UBAP2: variants seen among roughly 807,000 people sequenced by gnomAD.
UBAP2 encodes ubiquitin-associated protein 2.
A neutral mutation model predicts 139.6 loss-of-function variants in UBAP2; 75 were observed. The observed-to-expected ratio is 0.54, with a 90% CI of 0.45 to 0.65. UBAP2 has a LOEUF of 0.65. Ranked by LOEUF, UBAP2 falls within the 30% of genes least tolerant of loss-of-function variation. The pLI is 0.00. For synonymous variants in UBAP2, 526 were observed against 526.2 expected (o/e 1.00, Z 0.01); for missense variants, 1,368 against 1,369.6 (o/e 1.00, Z 0.02).
chr9:34,015,378 G>T (rs1180630325), intron 2 of UBAP2, among the ~76,000 whole-genome samples: 1 of 152,150 alleles, frequency 6.6e-6, no homozygotes, highest in Admixed American at 6.6e-5. Flanking sequence ...GAATGCAGTG[G>T]TGTGATCTTG....
intron 4 of UBAP2, among the ~76,000 whole-genome samples, chr9:33,990,265 A>T (rs1821587147): frequency 2.0e-5 from 3 of 152,212 alleles, no homozygotes; most frequent in Admixed American, 2.0e-4. Context: ...TATGCTTTTT[A>T]AAAATCTTAC....
intron 6 of UBAP2, among the ~76,000 whole-genome samples, chr9:33,984,814 G>C (rs1821067680): frequency 6.6e-6 from 1 of 152,110 alleles, no homozygotes; most frequent in South Asian, 2.1e-4. Context: ...TCTTACCCCA[G>C]TTAGAACGGC....
At chr9:33,943,727 G>A (rs1825427423) in intron 14 of UBAP2, 138 bp from the exon 15 acceptor site, 7 of 754,108 alleles carry the variant, frequency 9.3e-6, no homozygotes, top group Non-Finnish European at 1.0e-5. Context: ...GGAGAAAATA[G>A]GCTAAGACTT....
At chr9:33,927,208 T>C (rs1215287101) in intron 20 of UBAP2, 128 bp from the exon 21 acceptor site, 5 of 664,136 alleles carry the variant, frequency 7.5e-6, no homozygotes, top group Non-Finnish European at 1.3e-5. Context: ...AGTGGCCGAA[T>C]GAGGCAGAGG....
intron 1 of UBAP2, among the ~76,000 whole-genome samples, chr9:34,042,075 A>C (rs1827144395): frequency 6.6e-6 from 1 of 152,208 alleles, no homozygotes; most frequent in South Asian, 2.1e-4. Flanking sequence ...GAGTGAAAGA[A>C]TCAAGCATCA....
chr9:34,041,169 C>T (rs1350791539), intron 1 of UBAP2, among the ~76,000 whole-genome samples: 2 of 152,044 alleles, frequency 1.3e-5, no homozygotes, highest in African/African-American at 2.4e-5. Context: ...AAGAAATCAA[C>T]GGGCCGGGCA....
chr9:33,989,056 C>G lies in UBAP2; in HGVS notation c.359G>C (p.Arg120Thr). 6.2e-7 allele frequency: 1 copy of G among 1,614,028 alleles called. No homozygotes were observed. Residue 120 changes from arginine (R) to threonine (T), a missense_variant, in exon 5 of 29, where the codon AGA becomes ACA. Arg to Thr is a moderately conservative substitution (Grantham distance 71). Coordinates refer to ENST00000379238, the MANE Select transcript of UBAP2 (RefSeq NM_001370062.2). ...AKENSENKENREKKSEKESSR... is the reference protein window; with the variant it reads ...AKENSENKENTEKKSEKESSR... ...CGATTCTTTCTCGCTTTTCTTCTCT[C>G]TATTCTCTTTGTTTTCTGAATTTTC...
intron 10 of UBAP2, among the ~76,000 whole-genome samples, chr9:33,957,097 A>C (rs1826632339): frequency 6.6e-6 from 1 of 152,164 alleles, no homozygotes; most frequent in African/African-American, 2.4e-5. Flanking sequence ...TCAAAAAAAA[A>C]AAAAGAAGAA....
intron 14 of UBAP2, 80 bp from the exon 15 acceptor site, chr9:33,943,669 C>A: frequency 7.3e-7 from 1 of 1,370,866 alleles, no homozygotes; most frequent in Non-Finnish European, 1.0e-6. Flanking sequence ...GCCAAACAAG[C>A]ATTTAGGTTC....
At chr9:34,037,660 TCTTG>T (rs1411133301) in intron 1 of UBAP2, among the ~76,000 whole-genome samples, 1 of 152,172 alleles carries the variant, frequency 6.6e-6, no homozygotes, top group African/African-American at 2.4e-5. Flanking sequence ...AGTAGTTATT[TCTTG>T]CTTATCAGAT....
At chr9:33,989,473 T>A (rs1020338870) in intron 4 of UBAP2, among the ~76,000 whole-genome samples, 3 of 152,196 alleles carry the variant, frequency 2.0e-5, no homozygotes, top group African/African-American at 7.2e-5. Context: ...AGTGCTGGGA[T>A]TACAGGCGTG....
At chr9:34,026,455 T>C (rs920860637) in intron 1 of UBAP2, among the ~76,000 whole-genome samples, 1 of 152,140 alleles carries the variant, frequency 6.6e-6, no homozygotes, top group Non-Finnish European at 1.5e-5. Context: ...GGATACACAA[T>C]TTATGTTAAA....
chr9:33,935,724 G>C, intron 17 of UBAP2, 115 bp downstream of exon 17: 1 of 1,257,970 alleles, frequency 7.9e-7, no homozygotes. Context: ...CAAAAGGGCT[G>C]CTTTTTAACG....
In UBAP2 at chr9:33,941,714, C is replaced by G; in HGVS notation, c.1864G>C (p.Val622Leu). ...AMSSSYDQSSVHNRIPYQSPV... is the reference protein window; with the variant it reads ...AMSSSYDQSSLHNRIPYQSPV... ...CTTTGGTATGGGATCCTGTTATGCA[C>G]AGAACTCTGGTCATAAGAGGAAGAC... Residue 622 changes from valine to leucine, a missense_variant, in exon 16 of 29, where the codon GTG becomes CTG. By Grantham distance (32) the Val-to-Leu change is conservative. Transcript: ENST00000379238. 6.2e-7 allele frequency: 1 copy of G among 1,614,094 alleles called. No homozygotes were observed. Among genetic ancestry groups the G allele is most frequent in the Non-Finnish European group, 8.5e-7 (1 of 1,180,026 alleles).
intron 20 of UBAP2, 108 bp from the exon 21 acceptor site, chr9:33,927,188 A>G: frequency 2.5e-6 from 2 of 792,874 alleles, no homozygotes; most frequent in South Asian, 3.6e-5. Flanking sequence ...AGATGGGTTC[A>G]AAGAAGGGCA....
intron 8 of UBAP2, among the ~76,000 whole-genome samples, chr9:33,969,283 G>A (rs576039455): frequency 6.6e-6 from 1 of 152,268 alleles, no homozygotes; most frequent in Admixed American, 6.5e-5. Context: ...AGCTGGGCAT[G>A]GTGGCTCATG....
chr9:34,018,679 C>T (rs971513398), intron 1 of UBAP2, among the ~76,000 whole-genome samples: 5 of 152,032 alleles, frequency 3.3e-5, no homozygotes, highest in East Asian at 1.9e-4. Context: ...CTGGCTAACA[C>T]GGTGAAACCC....
At chr9:34,001,087 G>A (rs1404857476) in intron 2 of UBAP2, among the ~76,000 whole-genome samples, 1 of 152,184 alleles carries the variant, frequency 6.6e-6, no homozygotes, top group Admixed American at 6.5e-5. Context: ...ATGACAACTA[G>A]ATGAAGTAAA....
intron 13 of UBAP2, among the ~76,000 whole-genome samples, chr9:33,945,640 A>G (rs1056934382): frequency 2.0e-5 from 3 of 152,214 alleles, no homozygotes; most frequent in Non-Finnish European, 2.9e-5. Context: ...CAGAGATACT[A>G]TATCACAATA....
Sources: gnomAD v4.1 joint callset for allele counts (sites outside exome capture counted in the v4.1 genomes callset) on GRCh38, gnomAD v4.1.1 for gene constraint, MANE v1.5 for transcripts, NCBI Gene and HGNC (gene_info 2026-07-23, HGNC 2026-07-21) for gene names.